The following PARD3 variants were observed in gnomAD, a reference collection of about 807,000 sequenced individuals.
PARD3 encodes the protein partitioning defective 3 homolog.
PARD3 carries 75 observed loss-of-function variants against 155.4 expected under a neutral mutation model. The observed-to-expected ratio is 0.48, with a 90% CI of 0.40 to 0.58. The LOEUF (loss-of-function observed/expected upper bound fraction) is 0.58. Ranked by LOEUF, PARD3 falls within the 20% of genes least tolerant of loss-of-function variation. PARD3 has a pLI of 0.00. For missense variants in PARD3, 1,642 were observed against 1,721.7 expected (o/e 0.95, Z 0.82); for synonymous variants, 576 against 610.5 (o/e 0.94, Z 0.83).
At chr10:34,626,240 A>G (rs1391888281) in intron 2 of PARD3, among the ~76,000 whole-genome samples, 2 of 152,118 alleles carry the variant, frequency 1.3e-5, no homozygotes, top group East Asian at 3.9e-4. Context: ...GCAGACTCAC[A>G]CCTCCATTTA....
chr10:34,703,796 G>C (rs1269781427), intron 1 of PARD3, among the ~76,000 whole-genome samples: 5 of 152,058 alleles, frequency 3.3e-5, no homozygotes, highest in Non-Finnish European at 7.4e-5. Context: ...AGCAATACTG[G>C]AATCTAGACA....
At chr10:34,708,880 T>A in intron 1 of PARD3, among the ~76,000 whole-genome samples, 1 of 152,156 alleles carries the variant, frequency 6.6e-6, no homozygotes. Context: ...TGAGATAATA[T>A]TAGGAAATGA....
chr10:34,721,197 T>TAAAGACC (rs2094601775), intron 1 of PARD3, among the ~76,000 whole-genome samples: 1 of 152,170 alleles, frequency 6.6e-6, no homozygotes, highest in Admixed American at 6.5e-5. Flanking sequence ...TTAAGCAATG[T>TAAAGACC]TACGCTCCTT....
rs567639367 is a variant in PARD3, at chr10:34,527,728, A to G, written c.223-10569T>C. 1.2e-4 allele frequency among the ~76,000 whole-genome samples: 19 copies of G among 152,346 alleles called. No individual in the cohort carries two copies. In the South Asian group the frequency reaches 3.5e-3, roughly 28 times the overall value. On this transcript the variant is annotated intron_variant, in intron 2 of 24. Coordinates refer to ENST00000374788, the MANE Select transcript of PARD3 (RefSeq NM_001184785.2). ...CAAAAGATCAAAGTTCAATAAATTT[A>G]TTTTGTAAAATGTAAGGTTAATATT...
At chr10:34,287,091 G>A (rs1364311636) in intron 20 of PARD3, among the ~76,000 whole-genome samples, 1 of 151,968 alleles carries the variant, frequency 6.6e-6, no homozygotes, top group Non-Finnish European at 1.5e-5. Context: ...AAAATTCAAG[G>A]GACAGCATAA....
intron 22 of PARD3, among the ~76,000 whole-genome samples, chr10:34,266,707 A>C (rs1412469600): frequency 6.6e-6 from 1 of 152,168 alleles, no homozygotes; most frequent in Non-Finnish European, 1.5e-5. Flanking sequence ...TCATGACTAA[A>C]GTCTCCTCCA....
chr10:34,148,032 G>T (rs752442220), intron 22 of PARD3, among the ~76,000 whole-genome samples: 1 of 152,168 alleles, frequency 6.6e-6, no homozygotes, highest in Non-Finnish European at 1.5e-5. Flanking sequence ...CCAAGTACTG[G>T]TGTGTAGGGA....
At chr10:34,793,467 G>A (rs1028831946) in intron 1 of PARD3, among the ~76,000 whole-genome samples, 7 of 152,138 alleles carry the variant, frequency 4.6e-5, no homozygotes, top group African/African-American at 1.7e-4. Context: ...TACTAGTCAG[G>A]GATATAAAAG....
At chr10:34,214,076 T>G (rs1408837961) in intron 22 of PARD3, among the ~76,000 whole-genome samples, 1 of 151,984 alleles carries the variant, frequency 6.6e-6, no homozygotes, top group Non-Finnish European at 1.5e-5. Context: ...AAAAAATATA[T>G]TTTTTGTAGA....
chr10:34,570,857 C>T (rs2086333992), intron 2 of PARD3, among the ~76,000 whole-genome samples: 1 of 152,126 alleles, frequency 6.6e-6, no homozygotes, highest in African/African-American at 2.4e-5. Context: ...ATACTTGTGA[C>T]CTCAGTAAAT....
At chr10:34,257,762 T>C (rs1242092905) in intron 22 of PARD3, among the ~76,000 whole-genome samples, 2 of 152,310 alleles carry the variant, frequency 1.3e-5, no homozygotes, top group Middle Eastern at 6.8e-3. Context: ...TACAAACAAA[T>C]TGTGGTTTCG....
At chr10:34,200,983 T>C (rs1951183397) in intron 22 of PARD3, among the ~76,000 whole-genome samples, 1 of 152,166 alleles carries the variant, frequency 6.6e-6, no homozygotes, top group Non-Finnish European at 1.5e-5. Context: ...CTCTCTCCAA[T>C]GTATGTGTGA....
At chr10:34,704,641 G>C (rs1352133248) in intron 1 of PARD3, among the ~76,000 whole-genome samples, 1 of 152,146 alleles carries the variant, frequency 6.6e-6, no homozygotes, top group Non-Finnish European at 1.5e-5. Flanking sequence ...AAAAGAACCA[G>C]GAGCAAGAGT....
intron 22 of PARD3, among the ~76,000 whole-genome samples, chr10:34,268,611 A>G (rs1284218622): frequency 1.3e-5 from 2 of 152,146 alleles, no homozygotes; most frequent in Non-Finnish European, 2.9e-5. Context: ...AAAAAGGATG[A>G]GTTCATGTCC....
chr10:34,355,014 G>A (rs1050934700), intron 14 of PARD3, among the ~76,000 whole-genome samples: 2 of 152,186 alleles, frequency 1.3e-5, no homozygotes, highest in African/African-American at 4.8e-5. Flanking sequence ...GGCAGTGGGA[G>A]AGGGGAAAGA....
chr10:34,353,578 C>T (rs554439795), intron 14 of PARD3, among the ~76,000 whole-genome samples: 23 of 152,206 alleles, frequency 1.5e-4, no homozygotes, highest in African/African-American at 5.1e-4. Context: ...ACAAACACTG[C>T]GGAAGGCCGC....
intron 23 of PARD3, among the ~76,000 whole-genome samples, chr10:34,124,886 G>T (rs1947193538): frequency 6.6e-6 from 1 of 152,098 alleles, no homozygotes; most frequent in South Asian, 2.1e-4. Flanking sequence ...GGCAACCCAA[G>T]GTAGCTTCAG....
At chr10:34,534,186 A>G (rs2083058710) in intron 2 of PARD3, among the ~76,000 whole-genome samples, 1 of 151,682 alleles carries the variant, frequency 6.6e-6, no homozygotes, top group Non-Finnish European at 1.5e-5. Context: ...GAATGGCATG[A>G]ACCTGGGAGG....
intron 10 of PARD3, among the ~76,000 whole-genome samples, chr10:34,375,302 CA>C (rs1376498227): frequency 2.0e-5 from 3 of 152,094 alleles, no homozygotes; most frequent in Non-Finnish European, 4.4e-5. Flanking sequence ...ATAAATATTT[CA>C]AAAATGTCAA....
Sources: allele counts gnomAD v4.1 joint callset (sites outside exome capture counted in the v4.1 genomes callset), GRCh38; gene constraint gnomAD v4.1.1; transcripts MANE v1.5; gene names NCBI Gene and HGNC (gene_info 2026-07-23, HGNC 2026-07-21).